POLA1: variants seen among roughly 807,000 people sequenced by gnomAD.
The protein encoded by POLA1 is DNA polymerase alpha catalytic subunit.
In POLA1, 15 loss-of-function variants were observed where a neutral mutation model predicts 124.0. The ratio of observed to expected loss-of-function variants is 0.12; its 90% CI spans 0.08 to 0.19. The LOEUF (loss-of-function observed/expected upper bound fraction) is 0.19, where lower values mean the gene tolerates loss of function less well. Among genes scored for constraint, POLA1 ranks in the 10% least tolerant of loss-of-function variants. The pLI is 1.00. For synonymous variants in POLA1, 408 were observed against 389.4 expected (o/e 1.05, Z -0.56); for missense variants, 886 against 1,103.4 (o/e 0.80, Z 2.79).
chrX:24,792,125 G>A (rs2045512259), intron 26 of POLA1, among the ~76,000 whole-genome samples: 1 of 111,624 alleles, frequency 9.0e-6, no homozygotes, highest in African/African-American at 3.2e-5. Context: ...TTTTTTTATT[G>A]TTGGCCTGAA....
At chrX:24,951,113 C>T (rs2035428513) in intron 36 of POLA1, among the ~76,000 whole-genome samples, 2 of 110,753 alleles carry the variant, frequency 1.8e-5, no homozygotes, top group Non-Finnish European at 3.8e-5. Flanking sequence ...ATGTAAATGT[C>T]AACTTCTGTT....
intron 36 of POLA1, 114 bp downstream of exon 36, chrX:24,930,663 G>C: frequency 1.9e-6 from 1 of 512,876 alleles, no homozygotes; most frequent in East Asian, 3.7e-5. Flanking sequence ...CTCAGAAGCA[G>C]GCCGTGGGGG....
At chrX:24,757,627 G>T (rs899936075) in intron 26 of POLA1, among the ~76,000 whole-genome samples, 2 of 108,752 alleles carry the variant, frequency 1.8e-5, no homozygotes, top group Admixed American at 2.0e-4. Flanking sequence ...TGTTAGTAGA[G>T]ACGGGGTTTC....
At chrX:24,860,585 ATAATAG>A (rs1460245624) in intron 34 of POLA1, among the ~76,000 whole-genome samples, 1 of 112,594 alleles carries the variant, frequency 8.9e-6, no homozygotes, top group Non-Finnish European at 1.9e-5. Flanking sequence ...GTATTTTCAG[ATAATAG>A]TAATGCAGTA....
chrX:24,935,145 C>T lies in POLA1; in HGVS notation c.4261+4596C>T, dbSNP rs184716998. Among the ~76,000 whole-genome samples, 811 of 111,830 alleles carry T rather than the reference C, an allele frequency of 7.3e-3. 2 individuals are homozygous for T. Among genetic ancestry groups the T allele is most frequent in the Non-Finnish European group, 0.011 (569 of 53,112 alleles). ...TCCCACCCTAATGACCTCATTTTAACTTAATTCTTTAAAGGCCTTATACAG... is the reference window on the plus strand; with the variant it reads ...TCCCACCCTAATGACCTCATTTTAATTTAATTCTTTAAAGGCCTTATACAG... On this transcript the variant is annotated intron_variant, in intron 36 of 36. Transcript: ENST00000379068.
chrX:24,771,645 G>A (rs920297228), intron 26 of POLA1, among the ~76,000 whole-genome samples: 1 of 111,625 alleles, frequency 9.0e-6, no homozygotes, highest in African/African-American at 3.3e-5. Flanking sequence ...TACAATTCTA[G>A]AGAAAACTGC....
At chrX:24,813,933 A>T (rs2045946827) in intron 29 of POLA1, among the ~76,000 whole-genome samples, 1 of 111,806 alleles carries the variant, frequency 8.9e-6, no homozygotes, top group African/African-American at 3.3e-5. Flanking sequence ...CATCAATTTT[A>T]ATATTCTGAA....
Position 24,888,092 on chromosome X carries a change from A to T in POLA1, c.4134A>T (p.Pro1378=), listed in dbSNP as rs1697116432. The T allele has an allele frequency of 8.4e-7, 1 of 1,190,411 alleles. No homozygotes were observed. Among genetic ancestry groups the T allele is most frequent in the South Asian group, 1.8e-5 (1 of 56,254 alleles). The stretch of plus-strand genomic sequence containing the variant: ...TCTCCCGAACTGGGCCTCTTTGCCC[A>T]GCCTGCATGAAAGCTACACTTCAAC... The part of the protein sequence containing the change: ...LQFSRTGPLC[P]ACMKATLQPE... The change falls in exon 35 of 37, where the codon CCA becomes CCT. Residue 1378 remains proline, a synonymous_variant. Transcript: ENST00000379068.
chrX:24,953,836 A>G (rs750648029), intron 36 of POLA1, among the ~76,000 whole-genome samples: 2 of 112,174 alleles, frequency 1.8e-5, no homozygotes, highest in African/African-American at 3.2e-5. Flanking sequence ...TAAAAATTAC[A>G]TATTAATTAG....
rs1932171713 is a variant in POLA1, at chrX:24,748,938, T to C, written c.2910T>C (p.Tyr970=). 2.5e-6 allele frequency: 3 copies of C among 1,203,217 alleles called. No individual in the cohort carries two copies. The highest frequency in any genetic ancestry group is 3.4e-6 in the Non-Finnish European group (3 of 887,638). The part of the protein sequence containing the change: ...NSMYGCLGFS[Y]SRFYAKPLAA... ...TGTATGGTTGCCTGGGATTTTCCTA[T>C]AGCAGATTTTACGCCAAACCACTGG... Residue 970 remains tyrosine, a synonymous_variant, in exon 26 of 37, where the codon TAT becomes TAC. Coordinates refer to ENST00000379068, the MANE Select transcript of POLA1 (RefSeq NM_001330360.2).
Position 24,757,436 on chromosome X carries a change from CTT to C in POLA1, c.2964+8464_2964+8465del, listed in dbSNP as rs66782103. 1.9e-3 allele frequency among the ~76,000 whole-genome samples: 120 copies of C among 62,114 alleles called. 2 individuals are homozygous for C. The South Asian group carries it at 0.023, about 12-fold the overall frequency. The allele number at this position is 62,114 out of a possible 115,157, so 53.9% of individuals were successfully genotyped here. On this transcript the variant is annotated intron_variant, in intron 26 of 36. Coordinates refer to ENST00000379068, the MANE Select transcript of POLA1 (RefSeq NM_001330360.2). Reference sequence around the variant, plus strand: ...ATCTGAAATGCTCCAAAATCTGAAACTTTTTTTTTTTTTTTTTTTTTGAGACA... The same window carrying C: ...ATCTGAAATGCTCCAAAATCTGAAACTTTTTTTTTTTTTTTTTTTGAGACA...
intron 26 of POLA1, among the ~76,000 whole-genome samples, chrX:24,779,138 G>T (rs1030199122): frequency 1.8e-5 from 2 of 109,932 alleles, no homozygotes; most frequent in Non-Finnish European, 3.8e-5. Flanking sequence ...GAGTGCAGTG[G>T]CGCCATCTCG....
intron 34 of POLA1, among the ~76,000 whole-genome samples, chrX:24,873,655 GAT>G (rs1204726920): frequency 8.9e-6 from 1 of 111,861 alleles, no homozygotes; most frequent in Non-Finnish European, 1.9e-5. Context: ...AAAAATTAGA[GAT>G]ATTCATAATA....
rs752087685 is a variant in POLA1, at chrX:24,704,433, G to A, written c.310G>A (p.Asp104Asn). ...VEDGREIFDD[D>N]LEDDALDADE... ...AGATGGCCGAGAGATTTTTGATGAT[G>A]ACCTTGAAGATGATGCCCTTGATGC... The change falls in exon 4 of 37, where the codon GAC becomes AAC. Residue 104 changes from aspartate to asparagine, a missense_variant. Around this residue, in one of 7 missense-constraint regions of POLA1, gnomAD observed 337 missense variants for 402.8 expected, o/e 0.84. Transcript: ENST00000379068. 8.3e-7 allele frequency: 1 copy of A among 1,201,990 alleles called. No homozygotes were observed. The highest frequency in any genetic ancestry group is 1.8e-5 in the African/African-American group (1 of 56,978).
intron 35 of POLA1, among the ~76,000 whole-genome samples, chrX:24,927,193 C>A (rs2047706141): frequency 9.1e-6 from 1 of 110,031 alleles, no homozygotes; most frequent in South Asian, 4.0e-4. Context: ...GGTAAGGGAC[C>A]ACTGATATAG....
At chrX:24,920,626 C>G (rs1344528936) in intron 35 of POLA1, among the ~76,000 whole-genome samples, 3 of 112,237 alleles carry the variant, frequency 2.7e-5, no homozygotes, top group African/African-American at 9.7e-5. Flanking sequence ...AGTATTGGCT[C>G]TGCCACTTAC....
chrX:24,909,193 T>G (rs77873280), intron 35 of POLA1, among the ~76,000 whole-genome samples: 3 of 110,641 alleles, frequency 2.7e-5, no homozygotes, highest in African/African-American at 9.9e-5. Context: ...GTGGCCTGTT[T>G]GCTCTGATGG....
intron 26 of POLA1, 131 bp downstream of exon 26, chrX:24,749,123 C>A: frequency 2.1e-6 from 1 of 486,351 alleles, no homozygotes; most frequent in Non-Finnish European, 3.5e-6. Context: ...CTTTGGATGA[C>A]AGGTTTGAGA....
chrX:24,874,062 A>G (rs183250018), intron 34 of POLA1, among the ~76,000 whole-genome samples: 341 of 112,099 alleles, frequency 3.0e-3, no homozygotes, highest in African/African-American at 9.9e-3. Flanking sequence ...TTCAGTCTAC[A>G]TGCTGTGTGA....
Sources: gnomAD v4.1 joint callset for allele counts (sites outside exome capture counted in the v4.1 genomes callset) on GRCh38, gnomAD v4.1.1 for gene constraint, gnomAD v4.1.1 regional missense constraint, MANE v1.5 for transcripts, NCBI Gene and HGNC (gene_info 2026-07-23, HGNC 2026-07-21) for gene names.